Variants in EGF observed in about 807,000 individuals in gnomAD.
EGF encodes the protein pro-epidermal growth factor.
EGF carries 95 observed loss-of-function variants against 143.8 expected under a neutral mutation model. The observed-to-expected ratio is 0.66, with a 90% CI of 0.56 to 0.78. The LOEUF (loss-of-function observed/expected upper bound fraction) is 0.78, where lower values mean the gene tolerates loss of function less well. Ranked by LOEUF, EGF falls within the 30% of genes least tolerant of loss-of-function variation. The pLI, the probability that EGF is intolerant of heterozygous loss-of-function variation, is 0.00. For synonymous variants in EGF, 510 were observed against 510.5 expected (o/e 1.00, Z 0.01); for missense variants, 1,320 against 1,470.9 (o/e 0.90, Z 1.68).
chr4:109,939,483 C>T (rs1741529683), intron 1 of EGF, among the ~76,000 whole-genome samples: 1 of 152,224 alleles, frequency 6.6e-6, no homozygotes, highest in Non-Finnish European at 1.5e-5. Context: ...ATCCCCTGAC[C>T]CCTTGCACTT....
intron 22 of EGF, among the ~76,000 whole-genome samples, chr4:110,007,723 A>G (rs906152495): frequency 5.3e-5 from 8 of 152,174 alleles, no homozygotes; most frequent in African/African-American, 1.7e-4. Context: ...ACTTGGTAGC[A>G]TGTTTAAATG....
intron 7 of EGF, among the ~76,000 whole-genome samples, chr4:109,961,633 T>G (rs1745714164): frequency 6.6e-6 from 1 of 152,168 alleles, no homozygotes; most frequent in African/African-American, 2.4e-5. Context: ...CTAAAAAACT[T>G]AACTATAATT....
chr4:109,925,348 A>C lies in EGF; in HGVS notation c.127+11886A>C, dbSNP rs139046136. 2.9e-3 allele frequency among the ~76,000 whole-genome samples: 438 copies of C among 152,384 alleles called. 3 individuals carry two copies. Among genetic ancestry groups the C allele is most frequent in the Non-Finnish European group, 4.5e-3 (304 of 68,040 alleles). On this transcript the variant is annotated intron_variant, in intron 1 of 23. Coordinates refer to ENST00000265171, the MANE Select transcript of EGF (RefSeq NM_001963.6). ...GTTGAATGGAAGTAAAGGTGTTTCT[A>C]ATATATCACAGCGTATGGTTGTTTT...
rs764315970 is a variant in EGF, at chr4:110,013,392, T to C, written c.*1937T>C. Among the ~76,000 whole-genome samples, 2 of 152,128 alleles carry C rather than the reference T, an allele frequency of 1.3e-5. No homozygotes were observed. The highest frequency in any genetic ancestry group is 2.9e-5 in the Non-Finnish European group (2 of 68,020). On this transcript the variant is annotated 3_prime_UTR_variant, in exon 24 of 24. Transcript: ENST00000265171. ...ATCCTTGTTTCCTTCTTAATGACTCTGGTACCTTAGAAACTGGGACCCTGC... is the reference window on the plus strand; with the variant it reads ...ATCCTTGTTTCCTTCTTAATGACTCCGGTACCTTAGAAACTGGGACCCTGC...
rs752564562 is a variant in EGF, at chr4:109,979,985, T to G, written c.2067T>G (p.Ala689=). 9 of 1,614,068 alleles carry G rather than the reference T, an allele frequency of 5.6e-6. 1 individual carries two copies. The South Asian group carries it at 9.9e-5, about 18-fold the overall frequency. ...LTQNDVGHPF[A]VAVFEDYVWF... is the part of the protein sequence containing the mutation. ...AATTGTTTCCAGGTCACCCATTTGC[T>G]GTAGCAGTGTTTGAGGATTATGTGT... Residue 689 remains alanine, a synonymous_variant, in exon 14 of 24, where the codon GCT becomes GCG. Coordinates refer to ENST00000265171, the MANE Select transcript of EGF (RefSeq NM_001963.6).
intron 23 of EGF, among the ~76,000 whole-genome samples, chr4:110,009,035 T>G (rs1753678710): frequency 6.6e-6 from 1 of 152,192 alleles, no homozygotes; most frequent in South Asian, 2.1e-4. Flanking sequence ...TATTTTTCCT[T>G]CTTCAATGTG....
At chr4:110,003,760 T>C (rs990966509) in intron 21 of EGF, among the ~76,000 whole-genome samples, 2 of 138,076 alleles carry the variant, frequency 1.4e-5, no homozygotes, top group African/African-American at 5.4e-5. Flanking sequence ...AACAAGACAG[T>C]ACTCTAAAAA....
chr4:109,932,367 A>ATATATATATATATATATATATATATATT, intron 1 of EGF, among the ~76,000 whole-genome samples: 4 of 123,896 alleles, frequency 3.2e-5, no homozygotes, highest in Non-Finnish European at 6.7e-5. Flanking sequence ...AGTCATATAT[A>ATATATATATATATATATATATATATATT]TATATATATA....
chr4:109,944,172 A>AGGTTAGGT (rs1455101866), intron 4 of EGF, 103 bp downstream of exon 4: 5 of 1,298,158 alleles, frequency 3.9e-6, no homozygotes, highest in Non-Finnish European at 5.4e-6. Flanking sequence ...GGTTTAGGCC[A>AGGTTAGGT]TAGATTTTGA....
intron 5 of EGF, among the ~76,000 whole-genome samples, chr4:109,952,993 A>G (rs1007195341): frequency 3.9e-5 from 6 of 152,166 alleles, no homozygotes; most frequent in Admixed American, 6.5e-5. Context: ...CATTAGTCCT[A>G]TAGAATTTTT....
In EGF at chr4:109,944,009, C is replaced by T. The variant is rs775871998; in HGVS notation, c.677C>T (p.Ser226Phe). The T allele has an allele frequency of 1.9e-6, 3 of 1,614,128 alleles. No homozygotes were observed. The Admixed American group carries it at 5.0e-5, about 27-fold the overall frequency. Residue 226 changes from serine to phenylalanine, a missense_variant, in exon 4 of 24, where the codon TCT becomes TTT. Coordinates refer to ENST00000265171, the MANE Select transcript of EGF (RefSeq NM_001963.6). ...CAGTACAACAGAGAAGGAAGCAATTCTCTTATTTGCTCCTGTGATTATGAT... is the reference window on the plus strand; with the variant it reads ...CAGTACAACAGAGAAGGAAGCAATTTTCTTATTTGCTCCTGTGATTATGAT... ...WIQYNREGSN[S>F]LICSCDYDGG...
intron 13 of EGF, among the ~76,000 whole-genome samples, chr4:109,977,831 C>G (rs1345639869): frequency 6.6e-6 from 1 of 152,052 alleles, no homozygotes; most frequent in Admixed American, 6.5e-5. Context: ...CGGAGTGAAA[C>G]CGTCTCAAAA....
chr4:109,982,252 TC>T (rs1171989301), intron 15 of EGF, among the ~76,000 whole-genome samples: 1 of 152,010 alleles, frequency 6.6e-6, no homozygotes, highest in Non-Finnish European at 1.5e-5. Flanking sequence ...CAAGTGGTCT[TC>T]CCACCTCGGC....
chr4:109,974,643 T>C, intron 11 of EGF, 60 bp from the exon 12 acceptor site: 1 of 1,228,714 alleles, frequency 8.1e-7, no homozygotes, highest in Non-Finnish European at 1.2e-6. Context: ...GAGAAAGGAG[T>C]ATTTTTGTTT....
intron 3 of EGF, 34 bp from the exon 4 acceptor site, chr4:109,943,808 C>A (rs1005569755): frequency 1.3e-6 from 2 of 1,581,994 alleles, no homozygotes; most frequent in South Asian, 1.1e-5. Context: ...ACTATACATT[C>A]ATTTTTGGGT....
chr4:109,994,051 T>C (rs980065487), intron 19 of EGF, among the ~76,000 whole-genome samples: 7 of 151,652 alleles, frequency 4.6e-5, no homozygotes, highest in Admixed American at 1.3e-4. Context: ...TTTTAGCATA[T>C]TATTTTTCTC....
intron 16 of EGF, among the ~76,000 whole-genome samples, chr4:109,984,668 G>A (rs937813972): frequency 6.6e-6 from 1 of 152,176 alleles, no homozygotes; most frequent in African/African-American, 2.4e-5. Flanking sequence ...GACCTGTGCA[G>A]TTCAAACCCG....
At chr4:109,919,303 CTCTCTCT>C (rs1737298718) in intron 1 of EGF, among the ~76,000 whole-genome samples, 2 of 135,536 alleles carry the variant, frequency 1.5e-5, no homozygotes, top group Non-Finnish European at 1.5e-5. Flanking sequence ...CTCTCTCTCT[CTCTCTCT>C]CTCTCTCTCT....
chr4:109,989,322 T>G (rs956941292), intron 18 of EGF, among the ~76,000 whole-genome samples: 1 of 152,166 alleles, frequency 6.6e-6, no homozygotes, highest in African/African-American at 2.4e-5. Flanking sequence ...TCTCATACGT[T>G]TCCAGGTGTC....
Sources: gnomAD v4.1 joint callset for allele counts (sites outside exome capture counted in the v4.1 genomes callset) on GRCh38, gnomAD v4.1.1 for gene constraint, MANE v1.5 for transcripts, NCBI Gene and HGNC (gene_info 2026-07-23, HGNC 2026-07-21) for gene names.